Variants in CCDC186 observed in about 807,000 individuals in gnomAD.
CCDC186 encodes coiled-coil domain containing 186, also known as coiled-coil domain-containing protein 186.
A neutral mutation model predicts 113.7 loss-of-function variants in CCDC186; 49 were observed. The ratio of observed to expected loss-of-function variants is 0.43; its 90% confidence interval spans 0.34 to 0.55. CCDC186 has a LOEUF of 0.55. Ranked by LOEUF, CCDC186 falls within the 20% of genes least tolerant of loss-of-function variation. The probability of loss-of-function intolerance (pLI) is 0.02; values close to 1 mark genes in which losing one functional copy is unlikely to be tolerated. For missense variants in CCDC186, 890 were observed against 1,011.1 expected (o/e 0.88, Z 1.62); for synonymous variants, 355 against 345.8 (o/e 1.03, Z -0.30).
rs754681060 is a variant in CCDC186 at position 114,131,128 on chromosome 10, G to A, written c.2101+19C>T. The A allele has an allele frequency of 2.1e-6, 3 of 1,456,232 alleles. No individual in the cohort carries two copies. Among genetic ancestry groups the A allele is most frequent in the Non-Finnish European group, 2.7e-6 (3 of 1,101,326 alleles). 90.2% of individuals were successfully genotyped at this position (1,456,232 alleles called of 1,614,324 possible). ...AGAAACAAACACATTCATGGTCTAA[G>A]TGTGGAAGAATTTTATACCTTGCTG... On this transcript the variant is annotated intron_variant, in intron 12 of 15. Transcript: ENST00000369287.
At chr10:114,144,287 T>C (rs1175527210) in intron 6 of CCDC186, among the ~76,000 whole-genome samples, 3 of 152,116 alleles carry the variant, frequency 2.0e-5, no homozygotes, top group East Asian at 3.9e-4. Context: ...TGTGAGGACA[T>C]TTCTTTTTCA....
intron 3 of CCDC186, among the ~76,000 whole-genome samples, chr10:114,154,494 G>C (rs2031951653): frequency 6.6e-6 from 1 of 151,990 alleles, no homozygotes; most frequent in Non-Finnish European, 1.5e-5. Context: ...GTCTCAAGAA[G>C]AAATAGAAGA....
chr10:114,139,507 G>C (rs1349031284), intron 6 of CCDC186, among the ~76,000 whole-genome samples: 1 of 149,526 alleles, frequency 6.7e-6, no homozygotes, highest in East Asian at 2.0e-4. Context: ...AGGTTGCAGT[G>C]AGCCAAGATC....
At chr10:114,127,736 T>G in intron 13 of CCDC186, 65 bp from the exon 14 acceptor site, 4 of 1,317,478 alleles carry the variant, frequency 3.0e-6, no homozygotes, top group Non-Finnish European at 3.2e-6. Context: ...ATCTCATATA[T>G]TACTTATTCC....
chr10:114,138,329 T>C (rs2031349769), intron 6 of CCDC186, among the ~76,000 whole-genome samples: 1 of 145,384 alleles, frequency 6.9e-6, no homozygotes, highest in African/African-American at 2.5e-5. Context: ...CGTCTCATTC[T>C]GTCACTCAGG....
At chr10:114,154,258 C>CA (rs1435033632) in intron 3 of CCDC186, among the ~76,000 whole-genome samples, 1 of 139,102 alleles carries the variant, frequency 7.2e-6, no homozygotes, top group Non-Finnish European at 1.6e-5. Context: ...AGACAACAAA[C>CA]AAAACCAAAA....
intron 3 of CCDC186, among the ~76,000 whole-genome samples, chr10:114,152,166 C>T (rs1321007874): frequency 6.6e-6 from 1 of 152,006 alleles, no homozygotes. Context: ...CACAGCAAGA[C>T]CCAATCTCTA....
chr10:114,157,749 A>T, intron 2 of CCDC186, 69 bp from the exon 3 acceptor site: 4 of 1,258,566 alleles, frequency 3.2e-6, no homozygotes, highest in Non-Finnish European at 4.4e-6. Context: ...TGTGGAATAT[A>T]ATTTCTTTAC....
Position 114,138,073 on chromosome 10 carries a change from AT to A in CCDC186, c.1222-784del, listed in dbSNP as rs149414182. On this transcript the variant is annotated intron_variant, in intron 6 of 15. Transcript: ENST00000369287. The stretch of plus-strand genomic sequence containing the variant: ...AAAAAAAAAAAAAAAAAAAAAAAAA[AT>A]AAAAAAAATACACAAATTAGCCAGG... Among the ~76,000 whole-genome samples, 151 of 33,084 alleles carry A rather than the reference AT, an allele frequency of 4.6e-3. 36 individuals are homozygous for A. Among genetic ancestry groups the A allele is most frequent in the Non-Finnish European group, 6.4e-3 (111 of 17,210 alleles). The allele number at this position is 33,084 out of a possible 152,430, so 21.7% of individuals were successfully genotyped here. A position where few individuals can be genotyped will look rare whatever the true frequency, so the allele number is the denominator to read the frequency against.
chr10:114,129,760 C>T, intron 13 of CCDC186, 131 bp downstream of exon 13: 1 of 666,548 alleles, frequency 1.5e-6, no homozygotes, highest in Non-Finnish European at 2.5e-6. Context: ...GAACTTCTGA[C>T]CTCAGGTGAT....
Position 114,122,622 on chromosome 10 carries a change from T to C in CCDC186, c.*2521A>G. On this transcript the variant is annotated 3_prime_UTR_variant, in exon 16 of 16. Coordinates refer to ENST00000369287, the MANE Select transcript of CCDC186 (RefSeq NM_018017.4). ...GGTCTCAGATTTATCCAGATCATTTTCCTTTTCCAGATACCCCATTCTCCT... is the reference window on the plus strand; with the variant it reads ...GGTCTCAGATTTATCCAGATCATTTCCCTTTTCCAGATACCCCATTCTCCT... The C allele has an allele frequency of 6.6e-6, 1 of 152,292 alleles. No homozygotes were observed. 9.4% of individuals were successfully genotyped at this position (152,292 alleles called of 1,614,324 possible).
Position 114,137,374 on chromosome 10 carries a change from G to C in CCDC186, c.1222-84C>G, listed in dbSNP as rs1050361149. On this transcript the variant is annotated intron_variant, in intron 6 of 15. Transcript: ENST00000369287. ...GTGACCGGCAAGTAGGAAGGTTCTT[G>C]TCCTAGCACTGTCACTGAGGGGCCG... 6 of 844,724 alleles carry C rather than the reference G, an allele frequency of 7.1e-6. No homozygotes were observed. The African/African-American group carries it at 8.4e-5, about 12-fold the overall frequency. The allele number at this position is 844,724 out of a possible 1,614,324, so 52.3% of individuals were successfully genotyped here.
In CCDC186 at chr10:114,134,923, G is replaced by A; in HGVS notation, c.1645C>T (p.Gln549Ter). 1 of 1,608,294 alleles carries A rather than the reference G, an allele frequency of 6.2e-7. No homozygotes were observed. Among genetic ancestry groups the A allele is most frequent in the Non-Finnish European group, 8.5e-7 (1 of 1,178,286 alleles). ...KVKTADQLQEQLQRGKQEIEN... is the reference protein window; with the variant it reads ...KVKTADQLQE ...TTGCTCATTTTGTACCTTTGAAGCTGCTCCTGTAGCTGATCTGCAGTTTTC... is the reference window on the plus strand; with the variant it reads ...TTGCTCATTTTGTACCTTTGAAGCTACTCCTGTAGCTGATCTGCAGTTTTC... The change falls in exon 10 of 16, where the codon CAG becomes TAG. Residue 549 changes from glutamine (Q) to a stop codon, truncating the protein, a stop_gained. Transcript: ENST00000369287. LOFTEE classifies it high-confidence loss of function.
At chr10:114,137,735 T>C (rs910952861) in intron 6 of CCDC186, among the ~76,000 whole-genome samples, 1 of 151,972 alleles carries the variant, frequency 6.6e-6, no homozygotes, top group African/African-American at 2.4e-5. Context: ...AAACCCCGTC[T>C]CTACTAAAAT....
intron 6 of CCDC186, among the ~76,000 whole-genome samples, chr10:114,143,115 G>A (rs1473857804): frequency 6.6e-6 from 1 of 152,174 alleles, no homozygotes; most frequent in Non-Finnish European, 1.5e-5. Flanking sequence ...AAGTCAATAT[G>A]CTTGTTCATT....
intron 3 of CCDC186, among the ~76,000 whole-genome samples, chr10:114,151,841 A>C (rs2031866768): frequency 6.6e-6 from 1 of 152,218 alleles, no homozygotes; most frequent in South Asian, 2.1e-4. Context: ...GGCAATTCAC[A>C]TGTGCCAAAG....
At chr10:114,130,598 G>A (rs796785401) in intron 12 of CCDC186, 19 of 152,306 alleles carry the variant, frequency 1.2e-4, no homozygotes, top group African/African-American at 4.3e-4. Context: ...AAACCCAGGT[G>A]AAGAGTTAAG....
At chr10:114,168,011 A>G (rs1279017311) in intron 1 of CCDC186, 1 of 152,146 alleles carries the variant, frequency 6.6e-6, no homozygotes, top group Non-Finnish European at 1.5e-5. Flanking sequence ...TGTACAAAGC[A>G]AATTTACACT....
chr10:114,130,078 G>C, intron 12 of CCDC186, 107 bp from the exon 13 acceptor site: 1 of 861,094 alleles, frequency 1.2e-6, no homozygotes, highest in South Asian at 1.5e-5. Flanking sequence ...ATAGACAAGA[G>C]AAAGTTCTTG....
Sources: allele counts gnomAD v4.1 joint callset (sites outside exome capture counted in the v4.1 genomes callset), GRCh38; gene constraint gnomAD v4.1.1; transcripts MANE v1.5; gene names NCBI Gene and HGNC (gene_info 2026-07-23, HGNC 2026-07-21).